PCDHGB1: variants seen among roughly 807,000 people sequenced by gnomAD.
The protein encoded by PCDHGB1 is protocadherin gamma-B1.
In PCDHGB1, 34 loss-of-function variants were observed where a neutral mutation model predicts 56.6. The observed-to-expected ratio is 0.60, with a 90% CI of 0.46 to 0.80. PCDHGB1 has a LOEUF of 0.80. Among genes scored for constraint, PCDHGB1 ranks in the 30% least tolerant of loss-of-function variants. PCDHGB1 has a pLI of 0.00. For missense variants in PCDHGB1, 1,278 were observed against 1,204.6 expected, an observed-to-expected ratio of 1.06 and a Z score of -0.90; for synonymous variants, 561 against 505.9, an observed-to-expected ratio of 1.11 and a Z score of -1.46.
At chr5:141,494,583 G>A (rs2099755431) in intron 1 of PCDHGB1, among the ~76,000 whole-genome samples, 1 of 152,152 alleles carries the variant, frequency 6.6e-6, no homozygotes, top group Non-Finnish European at 1.5e-5. Flanking sequence ...CTTGCTCACT[G>A]TGGTCAGATG....
In PCDHGB1 at chr5:141,388,167, A is replaced by G. The variant is rs2091267491; in HGVS notation, c.2409+35498A>G. On this transcript the variant is annotated intron_variant, in intron 1 of 3. Coordinates refer to ENST00000523390, the MANE Select transcript of PCDHGB1 (RefSeq NM_018922.3). ...GAGCAGCAGGCTAGACAGGGAGGAG[A>G]TATGCGGGAAGAAGCCAGCTTGTGC... 4.1e-6 allele frequency: 6 copies of G among 1,478,972 alleles called. No individual in the cohort carries two copies. In the African/African-American group the frequency reaches 5.7e-5, roughly 14 times the overall value. 91.6% of individuals were successfully genotyped at this position (1,478,972 alleles called of 1,614,324 possible). A position where few individuals can be genotyped will look rare whatever the true frequency, so the allele number is the denominator to read the frequency against.
At chr5:141,406,011 G>A (rs1380278745) in intron 1 of PCDHGB1, among the ~76,000 whole-genome samples, 7 of 151,702 alleles carry the variant, frequency 4.6e-5, no homozygotes, top group African/African-American at 1.7e-4. Context: ...CATTGATGTG[G>A]GCTTTTTGGG....
At chr5:141,394,821 G>A (rs2093106496) in intron 1 of PCDHGB1, 2 of 1,613,744 alleles carry the variant, frequency 1.2e-6, no homozygotes, top group East Asian at 2.2e-5. Flanking sequence ...CAGCATCCCC[G>A]AAGTCCTGAC....
chr5:141,385,442 G>T, intron 1 of PCDHGB1: 1 of 1,450,070 alleles, frequency 6.9e-7, no homozygotes, highest in Non-Finnish European at 9.1e-7. Context: ...AGGTAAAAAT[G>T]AGTTTACCAG....
intron 1 of PCDHGB1, among the ~76,000 whole-genome samples, chr5:141,452,745 GGAA>G (rs2098748194): frequency 6.6e-6 from 1 of 152,054 alleles, no homozygotes; most frequent in Non-Finnish European, 1.5e-5. Flanking sequence ...AGAGAGAGAA[GGAA>G]GAAGGAAGGG....
At chr5:141,394,938 G>T (rs367656720) in intron 1 of PCDHGB1, 1 of 1,613,662 alleles carries the variant, frequency 6.2e-7, no homozygotes, top group Non-Finnish European at 8.5e-7. Context: ...CGCCTTTGTC[G>T]CTGTGCTTCT....
At position 141,357,483 on chromosome 5, in the gene PCDHGB1, G is replaced by A. The variant is rs368424779; in HGVS notation, c.2409+4814G>A. On this transcript the variant is annotated intron_variant, in intron 1 of 3. Coordinates refer to ENST00000523390, the MANE Select transcript of PCDHGB1 (RefSeq NM_018922.3). The stretch of plus-strand genomic sequence containing the variant: ...ATTCCCACGAGGTCTCCCTCACCGC[G>A]GACTCGCGGAAGAGTCACCTGATCT... The A allele has an allele frequency of 1.2e-4, 201 of 1,614,194 alleles. No homozygotes were observed. In the African/African-American group the frequency reaches 2.1e-3, roughly 17 times the overall value.
rs867643623 is a variant in PCDHGB1, at chr5:141,362,000, G to T, written c.2409+9331G>T. On this transcript the variant is annotated intron_variant, in intron 1 of 3. Coordinates refer to ENST00000523390, the MANE Select transcript of PCDHGB1 (RefSeq NM_018922.3). ...CCCGGGCTCTTCAGCCTGGGGTTGCGCACGGGTGAGGTGCGCACAGCGCGT... is the reference window on the plus strand; with the variant it reads ...CCCGGGCTCTTCAGCCTGGGGTTGCTCACGGGTGAGGTGCGCACAGCGCGT... The T allele has an allele frequency of 6.2e-7, 1 of 1,603,372 alleles. No individual in the cohort carries two copies. Among genetic ancestry groups the T allele is most frequent in the African/African-American group, 1.3e-5 (1 of 74,752 alleles).
At chr5:141,360,900 G>A in intron 1 of PCDHGB1, 1 of 1,614,038 alleles carries the variant, frequency 6.2e-7, no homozygotes, top group Non-Finnish European at 8.5e-7. Context: ...GGGAGGACGT[G>A]CCGCCGGGCT....
intron 1 of PCDHGB1, chr5:141,364,723 G>T: frequency 6.2e-7 from 1 of 1,613,938 alleles, no homozygotes; most frequent in Non-Finnish European, 8.5e-7. Flanking sequence ...ATAACTTCCC[G>T]CGTTTCCGGG....
intron 1 of PCDHGB1, chr5:141,388,337 A>G (rs1256150334): frequency 6.2e-7 from 1 of 1,613,990 alleles, no homozygotes; most frequent in Non-Finnish European, 8.5e-7. Context: ...CTGGCACACG[A>G]TTTATATTAG....
In PCDHGB1 at chr5:141,477,836, G is replaced by T. The variant is rs1344676631; in HGVS notation, c.2410-16971G>T. On this transcript the variant is annotated intron_variant, in intron 1 of 3. Transcript: ENST00000523390. This position sits in a 1 kb window ranked among gnomAD's most constrained non-coding sequence, Gnocchi z 4.9. ...CCAGGTCCTATATCCTCGGCCAGGT[G>T]GGAGCTCGGTGGAGATGCTGCCTCG... The T allele has an allele frequency of 1.2e-6, 2 of 1,613,952 alleles. No individual in the cohort carries two copies. Among genetic ancestry groups the T allele is most frequent in the Non-Finnish European group, 1.7e-6 (2 of 1,180,012 alleles).
chr5:141,389,784 G>A (rs1380763543), intron 1 of PCDHGB1: 5 of 1,613,318 alleles, frequency 3.1e-6, no homozygotes, highest in Non-Finnish European at 4.2e-6. Flanking sequence ...AGGCGACAGG[G>A]ACGCCGTCCG....
At chr5:141,409,920 C>T (rs759433257) in intron 1 of PCDHGB1, 2 of 1,613,400 alleles carry the variant, frequency 1.2e-6, no homozygotes, top group Non-Finnish European at 1.7e-6. Flanking sequence ...GACGGCTCCG[C>T]GTTCTTCGAT....
At chr5:141,381,812 CTTTCT>C (rs1426701973) in intron 1 of PCDHGB1, among the ~76,000 whole-genome samples, 18 of 129,486 alleles carry the variant, frequency 1.4e-4, no homozygotes, top group African/African-American at 3.6e-4. Context: ...TTCTTTCTTT[CTTTCT>C]TTCTTCTTCT....
At position 141,489,297 on chromosome 5, in the gene PCDHGB1, G is replaced by A. The variant is rs184934961; in HGVS notation, c.2410-5510G>A. 5.1e-6 allele frequency: 8 copies of A among 1,583,774 alleles called. No homozygotes were observed. Among genetic ancestry groups the A allele is most frequent in the Non-Finnish European group, 6.9e-6 (8 of 1,164,904 alleles). ...GGAAATGGCAAGTGCTGTGCATGTT[G>A]TCCTTGTGCTGCTGGGGCTGGGTGT... is the stretch of plus-strand genomic sequence containing the variant. On this transcript the variant is annotated intron_variant, in intron 1 of 3. Coordinates refer to ENST00000523390, the MANE Select transcript of PCDHGB1 (RefSeq NM_018922.3). This position sits in a 1 kb window ranked among gnomAD's most constrained non-coding sequence, Gnocchi z 4.5.
Position 141,486,178 on chromosome 5 carries a change from C to A in PCDHGB1, c.2410-8629C>A, listed in dbSNP as rs767840363. On this transcript the variant is annotated intron_variant, in intron 1 of 3. Transcript: ENST00000523390. This position sits in a 1 kb window ranked among gnomAD's most constrained non-coding sequence, Gnocchi z 5.0. ...CTCCAGCCATGGAGCAACATTGCAG[C>A]CTTCGAGTGGATCTGCTGGACGTAA... 1.2e-6 allele frequency: 2 copies of A among 1,614,194 alleles called. No homozygotes were observed. The highest frequency in any genetic ancestry group is 2.2e-5 in the East Asian group (1 of 44,882).
intron 1 of PCDHGB1, chr5:141,357,642 A>T: frequency 1.9e-6 from 3 of 1,611,524 alleles, no homozygotes; most frequent in Non-Finnish European, 2.5e-6. Context: ...CTTATAATAG[A>T]TCATACCACA....
In PCDHGB1 at chr5:141,490,376, C is replaced by T. The variant is rs761956816; in HGVS notation, c.2410-4431C>T. 2 of 1,614,184 alleles carry T rather than the reference C, an allele frequency of 1.2e-6. No individual in the cohort carries two copies. The highest frequency in any genetic ancestry group is 1.7e-6 in the Non-Finnish European group (2 of 1,180,036). ...TTGTTTAATGTGCGAGACCGGGACT[C>T]AGGTAGAAATGGTGAAGTGAGCCTT... is the stretch of plus-strand genomic sequence containing the variant. On this transcript the variant is annotated intron_variant, in intron 1 of 3. Transcript: ENST00000523390. The surrounding 1 kb of genome is among the most constrained non-coding windows in gnomAD (Gnocchi z 5.4).
Sources: gnomAD v4.1 joint callset for allele counts (sites outside exome capture counted in the v4.1 genomes callset) on GRCh38, gnomAD v4.1.1 for gene constraint, Gnocchi (gnomAD v3.1) non-coding constraint, MANE v1.5 for transcripts, NCBI Gene and HGNC (gene_info 2026-07-23, HGNC 2026-07-21) for gene names.